SKIC3: variants seen among roughly 807,000 people sequenced by gnomAD.
SKIC3 encodes the protein SKI3 subunit of superkiller complex.
At chr5:95,522,725 C>T in the SKIC3 span, among the ~76,000 whole-genome samples, 54 of 152,110 alleles carry the variant, frequency 3.6e-4, 1 homozygote, top group Middle Eastern at 3.4e-3. Context: ...ATTCCATTTC[C>T]GTGAAAATGC....
chr5:95,479,929 A>G, the SKIC3 span, among the ~76,000 whole-genome samples: 1 of 152,130 alleles, frequency 6.6e-6, no homozygotes, highest in Non-Finnish European at 1.5e-5. Flanking sequence ...AAATAGACCA[A>G]TGGAAAATAA....
the SKIC3 span, chr5:95,525,631 T>A: frequency 6.2e-7 from 1 of 1,614,072 alleles, no homozygotes; most frequent in Non-Finnish European, 8.5e-7. Flanking sequence ...TAGGCCAAGC[T>A]TTTGAGAACC....
At chr5:95,516,816 T>G in the SKIC3 span, 15 of 1,573,392 alleles carry the variant, frequency 9.5e-6, no homozygotes, top group Non-Finnish European at 1.1e-5. Context: ...TCAAGATATA[T>G]GTGGTTTTAT....
At chr5:95,501,590 A>G in the SKIC3 span, among the ~76,000 whole-genome samples, 3 of 152,148 alleles carry the variant, frequency 2.0e-5, no homozygotes, top group Non-Finnish European at 4.4e-5. Context: ...AAAATCAAAA[A>G]CAAAGAAAGA....
the SKIC3 span, among the ~76,000 whole-genome samples, chr5:95,550,943 G>C: frequency 2.9e-4 from 44 of 152,096 alleles, no homozygotes; most frequent in Non-Finnish European, 5.3e-4. Context: ...AAAATACACT[G>C]ATGTCAATAT....
the SKIC3 span, chr5:95,467,729 TAC>T: frequency 1.6e-6 from 2 of 1,257,128 alleles, no homozygotes; most frequent in Non-Finnish European, 2.2e-6. Flanking sequence ...GCCAAAAAAT[TAC>T]ACACTCAGTT....
At chr5:95,553,493 T>C in the SKIC3 span, among the ~76,000 whole-genome samples, 2 of 152,242 alleles carry the variant, frequency 1.3e-5, no homozygotes, top group Admixed American at 1.3e-4. Context: ...TTATTTCATG[T>C]ATGCTTGGTT....
At chr5:95,550,615 C>T in the SKIC3 span, 1 of 152,156 alleles carries the variant, frequency 6.6e-6, no homozygotes, top group African/African-American at 2.4e-5. Flanking sequence ...ATATTCTTCC[C>T]GAATTGAATT....
At chr5:95,538,503 A>G in the SKIC3 span, among the ~76,000 whole-genome samples, 5 of 152,162 alleles carry the variant, frequency 3.3e-5, no homozygotes, top group African/African-American at 9.6e-5. Flanking sequence ...GAACAAATGA[A>G]CACAAAGAAA....
the SKIC3 span, chr5:95,513,542 A>G: frequency 6.2e-7 from 1 of 1,604,912 alleles, no homozygotes; most frequent in East Asian, 2.2e-5. Context: ...TCATTAATGA[A>G]TCCTCAAGAA....
At chr5:95,490,768 G>A in the SKIC3 span, 49 of 1,077,948 alleles carry the variant, frequency 4.5e-5, no homozygotes, top group Non-Finnish European at 6.3e-5. Context: ...AAAGTGCTGG[G>A]ATTACAGGCG....
At chr5:95,518,945 C>T in the SKIC3 span, among the ~76,000 whole-genome samples, 1 of 151,968 alleles carries the variant, frequency 6.6e-6, no homozygotes, top group African/African-American at 2.4e-5. Flanking sequence ...AGAGTTCTCT[C>T]TTCTCCACAT....
chr5:95,471,308 C>A, the SKIC3 span, among the ~76,000 whole-genome samples: 42 of 151,250 alleles, frequency 2.8e-4, no homozygotes, highest in African/African-American at 9.6e-4. Flanking sequence ...ATATAAAACA[C>A]TCTGTAAAGT....
the SKIC3 span, among the ~76,000 whole-genome samples, chr5:95,542,679 G>A: frequency 3.3e-5 from 5 of 152,170 alleles, no homozygotes; most frequent in East Asian, 1.9e-4. Flanking sequence ...CTACTACATC[G>A]TATTAATCAG....
At chr5:95,529,418 T>A in the SKIC3 span, 3 of 393,574 alleles carry the variant, frequency 7.6e-6, no homozygotes, top group Non-Finnish European at 1.4e-5. Context: ...CTGCTAAAAA[T>A]CTTTTACTGA....
chr5:95,504,487 A>C, the SKIC3 span, among the ~76,000 whole-genome samples: 1 of 151,880 alleles, frequency 6.6e-6, no homozygotes, highest in Non-Finnish European at 1.5e-5. Context: ...GTTGACTTTA[A>C]TATGGATCTC....
At chr5:95,520,881 T>C in the SKIC3 span, 3 of 1,192,576 alleles carry the variant, frequency 2.5e-6, no homozygotes, top group East Asian at 7.1e-5. Flanking sequence ...AAAATGAACT[T>C]CAAATAAAGT....
At chr5:95,509,654 A>G in the SKIC3 span, 1 of 1,613,816 alleles carries the variant, frequency 6.2e-7, no homozygotes, top group Non-Finnish European at 8.5e-7. Flanking sequence ...GTAACCCAAC[A>G]TTGTGAAAGC....
At chr5:95,541,429 T>G in the SKIC3 span, 1 of 1,562,422 alleles carries the variant, frequency 6.4e-7, no homozygotes, top group Non-Finnish European at 8.8e-7. Flanking sequence ...TGAATCTGAT[T>G]AATAAAAATA....
Sources: gnomAD v4.1 joint callset for allele counts (sites outside exome capture counted in the v4.1 genomes callset) on GRCh38, gnomAD v4.1.1 for gene constraint, MANE v1.5 for transcripts, NCBI Gene and HGNC (gene_info 2026-07-23, HGNC 2026-07-21) for gene names.